The following AGAP1 variants were observed in gnomAD, a reference collection of about 807,000 sequenced individuals.
AGAP1 encodes ArfGAP with GTPase domain, ankyrin repeat and PH domain 1.
In AGAP1, 29 loss-of-function variants were observed where a neutral mutation model predicts 105.3. The ratio of observed to expected loss-of-function variants is 0.28; its 90% CI spans 0.21 to 0.38. The LOEUF (loss-of-function observed/expected upper bound fraction) is 0.38, where lower values mean the gene tolerates loss of function less well. Ranked by LOEUF, AGAP1 falls within the 10% of genes least tolerant of loss-of-function variation. The pLI is 1.00. For synonymous variants in AGAP1, 509 were observed against 485.9 expected, an observed-to-expected ratio of 1.05 and a Z score of -0.63; for missense variants, 998 against 1,165.1, an observed-to-expected ratio of 0.86 and a Z score of 2.09.
chr2:236,016,503 G>A (rs1033942848), intron 13 of AGAP1, among the ~76,000 whole-genome samples: 1 of 151,844 alleles, frequency 6.6e-6, no homozygotes, highest in African/African-American at 2.4e-5. Context: ...AAAATTGGGG[G>A]ACAGCAAGGG....
Position 235,769,623 on chromosome 2 carries a change from A to G in AGAP1, c.673+19135A>G, listed in dbSNP as rs1037333963. 6.6e-6 allele frequency among the ~76,000 whole-genome samples: 1 copy of G among 152,142 alleles called. No individual in the cohort carries two copies. Among genetic ancestry groups the G allele is most frequent in the East Asian group, 1.9e-4 (1 of 5,190 alleles). ...GATGCTCTTGAAGAAGTTTAGTGAC[A>G]TTCAGAGGAAATCCTTCCAACACAA... is the stretch of plus-strand genomic sequence containing the variant. On this transcript the variant is annotated intron_variant, in intron 6 of 17. Transcript: ENST00000304032. The surrounding 1 kb of genome is among the most constrained non-coding windows in gnomAD (Gnocchi z 4.4).
At chr2:235,833,009 C>G (rs1959620329) in intron 9 of AGAP1, among the ~76,000 whole-genome samples, 1 of 152,224 alleles carries the variant, frequency 6.6e-6, no homozygotes, top group African/African-American at 2.4e-5. Flanking sequence ...TGTGTGACAT[C>G]TGATGGCCAG....
At position 236,120,289 on chromosome 2, in the gene AGAP1, C is replaced by T. The variant is rs766842363; in HGVS notation, c.2212C>T (p.Arg738Trp). 1.2e-5 allele frequency: 19 copies of T among 1,612,858 alleles called. No individual in the cohort carries two copies. The highest frequency in any genetic ancestry group is 2.2e-5 in the East Asian group (1 of 44,846). ...GCTGTCCCTGGGCCAGCACCTGCTG[C>T]GGGCCACCGCCGACGAGGACCTGCG... ...TELSLGQHLL[R>W]ATADEDLRTA... The change falls in exon 17 of 18, where the codon CGG (arginine) becomes TGG (tryptophan). Residue 738 changes from arginine (R) to tryptophan (W), a missense_variant. Coordinates refer to ENST00000304032, the MANE Select transcript of AGAP1 (RefSeq NM_001037131.3). This position sits in a 1 kb window ranked among gnomAD's most constrained non-coding sequence, Gnocchi z 6.0.
At chr2:236,086,643 T>A (rs2058934653) in intron 16 of AGAP1, among the ~76,000 whole-genome samples, 1 of 152,130 alleles carries the variant, frequency 6.6e-6, no homozygotes, top group Non-Finnish European at 1.5e-5. Context: ...TTCCAAAAAA[T>A]TTTCAACATT....
At chr2:235,764,290 C>T (rs1954728049) in intron 6 of AGAP1, among the ~76,000 whole-genome samples, 1 of 152,210 alleles carries the variant, frequency 6.6e-6, no homozygotes, top group Non-Finnish European at 1.5e-5. Flanking sequence ...GAATCTCTCT[C>T]TACCCTTCAT....
intron 1 of AGAP1, among the ~76,000 whole-genome samples, chr2:235,568,101 G>A (rs62189169): frequency 0.085 from 12,974 of 152,094 alleles, 784 homozygotes; most frequent in Non-Finnish European, 0.13. Flanking sequence ...CACTGACCTC[G>A]TGATGTCTCT....
chr2:236,124,027 C>G lies in AGAP1; in HGVS notation c.2479C>G (p.Pro827Ala). ...CGACGTGCTGCTGCAGTACGGCTGC[C>G]CCGACGAGCGCTTCGTGCTCATGGC... ...CIDVLLQYGCPDERFVLMATP... is the reference protein window; with the variant it reads ...CIDVLLQYGCADERFVLMATP... Residue 827 changes from proline to alanine, a missense_variant, in exon 18 of 18, where the codon CCC becomes GCC. Physicochemically the swap from Pro to Ala is conservative, Grantham distance 27. Around this residue, in one of 3 missense-constraint regions of AGAP1, gnomAD observed 235 missense variants for 270.7 expected, o/e 0.87. Coordinates refer to ENST00000304032, the MANE Select transcript of AGAP1 (RefSeq NM_001037131.3). The surrounding 1 kb of genome is among the most constrained non-coding windows in gnomAD (Gnocchi z 5.1). 6.2e-7 allele frequency: 1 copy of G among 1,614,064 alleles called. No homozygotes were observed. The highest frequency in any genetic ancestry group is 8.5e-7 in the Non-Finnish European group (1 of 1,179,996).
At chr2:236,007,689 T>TA (rs1228386928) in intron 13 of AGAP1, among the ~76,000 whole-genome samples, 1 of 152,192 alleles carries the variant, frequency 6.6e-6, no homozygotes, top group African/African-American at 2.4e-5. Context: ...TAGAGGAGAT[T>TA]AAAAAGAAGA....
chr2:235,539,211 A>G (rs1425225831), intron 1 of AGAP1, among the ~76,000 whole-genome samples: 1 of 152,238 alleles, frequency 6.6e-6, no homozygotes, highest in Non-Finnish European at 1.5e-5. Flanking sequence ...AACTGCTGCC[A>G]GGAAAATGTG....
rs939713459 is a variant in AGAP1, at chr2:235,959,030, C to T, written c.1484-9432C>T. 2.6e-5 allele frequency among the ~76,000 whole-genome samples: 4 copies of T among 152,186 alleles called. No homozygotes were observed. Among genetic ancestry groups the T allele is most frequent in the Non-Finnish European group, 5.9e-5 (4 of 68,038 alleles). On this transcript the variant is annotated intron_variant, in intron 12 of 17. Transcript: ENST00000304032. The surrounding 1 kb of genome is among the most constrained non-coding windows in gnomAD (Gnocchi z 7.3). ...TGTGCGGGATGGTGCCGGCCCATCC[C>T]GGCTCAGCGCCGCGCAGCTCGGGAC...
intron 16 of AGAP1, among the ~76,000 whole-genome samples, chr2:236,108,129 T>C (rs2125926884): frequency 6.6e-6 from 1 of 152,302 alleles, no homozygotes; most frequent in Non-Finnish European, 1.5e-5. Flanking sequence ...CTGTGCTCCG[T>C]CCCTCCGCCT....
rs958239395 is a variant in AGAP1 at position 235,905,561 on chromosome 2, A to G, written c.1156-3177A>G. On this transcript the variant is annotated intron_variant, in intron 10 of 17. Coordinates refer to ENST00000304032, the MANE Select transcript of AGAP1 (RefSeq NM_001037131.3). This position sits in a 1 kb window ranked among gnomAD's most constrained non-coding sequence, Gnocchi z 4.2. ...GTCGCTTAGGCTGGAGTGCAATGGCATGATCTCTGCTCCCTGCAATCTCTG... is the reference window on the plus strand; with the variant it reads ...GTCGCTTAGGCTGGAGTGCAATGGCGTGATCTCTGCTCCCTGCAATCTCTG... Among the ~76,000 whole-genome samples the G allele has an allele frequency of 6.6e-6, 1 of 152,112 alleles. No homozygotes were observed. The highest frequency in any genetic ancestry group is 6.5e-5 in the Admixed American group (1 of 15,276).
Position 235,744,036 on chromosome 2 carries a change from G to A in AGAP1, c.397-662G>A, listed in dbSNP as rs1952743159. ...TCAACTGGCAAGACAAGAATAAAAT[G>A]AATACGGCAAAGCAAGAACAAAATG... is the stretch of plus-strand genomic sequence containing the variant. On this transcript the variant is annotated intron_variant, in intron 4 of 17. Transcript: ENST00000304032. This position sits in a 1 kb window ranked among gnomAD's most constrained non-coding sequence, Gnocchi z 5.2. 6.6e-6 allele frequency among the ~76,000 whole-genome samples: 1 copy of A among 152,220 alleles called. No homozygotes were observed. The highest frequency in any genetic ancestry group is 1.5e-5 in the Non-Finnish European group (1 of 68,036).
chr2:236,121,729 G>A lies in AGAP1; in HGVS notation c.2370+1282G>A, dbSNP rs976941327. On this transcript the variant is annotated intron_variant, in intron 17 of 17. Transcript: ENST00000304032. This position sits in a 1 kb window ranked among gnomAD's most constrained non-coding sequence, Gnocchi z 4.9. ...GTAATGCACATTAAATAAGAGTTGTGTGTAGTGTGCTAGGGCTGCCATAAC... is the reference window on the plus strand; with the variant it reads ...GTAATGCACATTAAATAAGAGTTGTATGTAGTGTGCTAGGGCTGCCATAAC... Among the ~76,000 whole-genome samples the A allele has an allele frequency of 2.4e-4, 36 of 152,336 alleles. No individual in the cohort carries two copies. Among genetic ancestry groups the A allele is most frequent in the Non-Finnish European group, 4.9e-4 (33 of 68,028 alleles).
chr2:235,941,339 T>C (rs1046016166), intron 12 of AGAP1, among the ~76,000 whole-genome samples: 1 of 152,224 alleles, frequency 6.6e-6, no homozygotes, highest in East Asian at 1.9e-4. Context: ...TAATTTCTTA[T>C]GTAACTTCAT....
chr2:235,723,763 A>ATCGT lies in AGAP1; in HGVS notation c.310+6121_310+6124dup, dbSNP rs1951504965. Among the ~76,000 whole-genome samples the ATCGT allele has an allele frequency of 9.5e-6, 1 of 105,102 alleles. No homozygotes were observed. 69.0% of individuals were successfully genotyped at this position (105,102 alleles called of 152,430 possible). A position where few individuals can be genotyped will look rare whatever the true frequency, so the allele number is the denominator to read the frequency against. On this transcript the variant is annotated intron_variant, in intron 3 of 17. Transcript: ENST00000304032. The surrounding 1 kb of genome is among the most constrained non-coding windows in gnomAD (Gnocchi z 6.2). Reference sequence around the variant, plus strand: ...GTATATGGATTGAGTGGGAGCTTTTATCGTTGGTTGGTTGGTTGGTTGGTT... The same window carrying ATCGT: ...GTATATGGATTGAGTGGGAGCTTTTATCGTTCGTTGGTTGGTTGGTTGGTTGGTT...
rs1323384079 is a variant in AGAP1, at chr2:235,957,794, G to A, written c.1484-10668G>A. On this transcript the variant is annotated intron_variant, in intron 12 of 17. Coordinates refer to ENST00000304032, the MANE Select transcript of AGAP1 (RefSeq NM_001037131.3). The surrounding 1 kb of genome is among the most constrained non-coding windows in gnomAD (Gnocchi z 4.6). ...GTTGGCCGTGTATCAAAGGAAGTGCGTTTTAATTTACGAGTTCCTACAACG... is the reference window on the plus strand; with the variant it reads ...GTTGGCCGTGTATCAAAGGAAGTGCATTTTAATTTACGAGTTCCTACAACG... Among the ~76,000 whole-genome samples the A allele has an allele frequency of 1.3e-5, 2 of 152,308 alleles. No homozygotes were observed. The highest frequency in any genetic ancestry group is 2.9e-5 in the Non-Finnish European group (2 of 68,022).
chr2:236,018,853 TCAC>T (rs2056795302), intron 13 of AGAP1, among the ~76,000 whole-genome samples: 1 of 152,208 alleles, frequency 6.6e-6, no homozygotes, highest in Non-Finnish European at 1.5e-5. Flanking sequence ...GTACTTCCGT[TCAC>T]CACAGTGGGC....
chr2:236,028,210 C>G (rs1268269269), intron 13 of AGAP1, among the ~76,000 whole-genome samples: 1 of 152,172 alleles, frequency 6.6e-6, no homozygotes, highest in African/African-American at 2.4e-5. Context: ...GCATCTGTTT[C>G]CTCTTTACTC....
Sources: gnomAD v4.1 joint callset for allele counts (sites outside exome capture counted in the v4.1 genomes callset) on GRCh38, gnomAD v4.1.1 for gene constraint, gnomAD v4.1.1 regional missense constraint, Gnocchi (gnomAD v3.1) non-coding constraint, MANE v1.5 for transcripts, NCBI Gene and HGNC (gene_info 2026-07-23, HGNC 2026-07-21) for gene names.